SMYD3: variants seen among roughly 807,000 people sequenced by gnomAD.
SMYD3 encodes the protein SET and MYND domain containing 3.
A neutral mutation model predicts 57.7 loss-of-function variants in SMYD3; 36 were observed. The observed-to-expected ratio is 0.62, with a 90% CI of 0.48 to 0.82. The LOEUF is 0.82. Among genes scored for constraint, SMYD3 ranks in the 40% least tolerant of loss-of-function variants. SMYD3 has a pLI of 0.00. For synonymous variants in SMYD3, 211 were observed against 195.0 expected, an observed-to-expected ratio of 1.08 and a Z score of -0.68; for missense variants, 515 against 538.8, an observed-to-expected ratio of 0.96 and a Z score of 0.44.
At chr1:246,281,382 G>A (rs1330699119) in intron 5 of SMYD3, among the ~76,000 whole-genome samples, 1 of 152,180 alleles carries the variant, frequency 6.6e-6, no homozygotes. Flanking sequence ...ACTACAGTTA[G>A]GTGCTTTCCA....
chr1:246,157,126 C>T (rs891446267), intron 5 of SMYD3, among the ~76,000 whole-genome samples: 6 of 152,190 alleles, frequency 3.9e-5, no homozygotes, highest in African/African-American at 1.2e-4. Flanking sequence ...AAGTCTGGGA[C>T]GAGGACAAGA....
At chr1:246,193,364 A>C (rs1222146922) in intron 5 of SMYD3, among the ~76,000 whole-genome samples, 1 of 152,228 alleles carries the variant, frequency 6.6e-6, no homozygotes, top group Non-Finnish European at 1.5e-5. Flanking sequence ...CATAAAAAGC[A>C]AAATTACCAA....
At chr1:245,846,323 A>G (rs1053192566) in intron 10 of SMYD3, among the ~76,000 whole-genome samples, 1 of 152,124 alleles carries the variant, frequency 6.6e-6, no homozygotes. Flanking sequence ...AACAGATTCT[A>G]CTCTGCGTGA....
At chr1:246,504,245 T>C (rs2068502348) in intron 1 of SMYD3, among the ~76,000 whole-genome samples, 1 of 152,176 alleles carries the variant, frequency 6.6e-6, no homozygotes, top group Non-Finnish European at 1.5e-5. Context: ...AGTAGAGATG[T>C]GCATCCCTTA....
intron 5 of SMYD3, among the ~76,000 whole-genome samples, chr1:246,216,658 T>C (rs12133690): frequency 0.019 from 2,841 of 151,968 alleles, 66 homozygotes; most frequent in Admixed American, 0.032. Flanking sequence ...TTATTGAAAA[T>C]ATAATAAAAA....
At chr1:246,190,183 A>T (rs2062710131) in intron 5 of SMYD3, among the ~76,000 whole-genome samples, 1 of 152,126 alleles carries the variant, frequency 6.6e-6, no homozygotes, top group African/African-American at 2.4e-5. Context: ...AATCGCTCTC[A>T]ATCTGTTTCC....
chr1:246,489,744 T>C (rs1008379148), intron 1 of SMYD3, among the ~76,000 whole-genome samples: 4 of 152,216 alleles, frequency 2.6e-5, no homozygotes, highest in African/African-American at 9.6e-5. Flanking sequence ...GCAACTCAGC[T>C]GTTTGTAGTA....
chr1:246,488,776 G>C (rs1436517025), intron 1 of SMYD3, among the ~76,000 whole-genome samples: 2 of 152,210 alleles, frequency 1.3e-5, no homozygotes, highest in Non-Finnish European at 2.9e-5. Flanking sequence ...TTTAGCCCTA[G>C]TGTCCTCAAA....
intron 1 of SMYD3, among the ~76,000 whole-genome samples, chr1:246,398,534 TA>T (rs1472996158): frequency 6.6e-6 from 1 of 152,216 alleles, no homozygotes; most frequent in East Asian, 1.9e-4. Flanking sequence ...TACTTGGGAA[TA>T]GCTTCACAAA....
chr1:246,438,019 A>T (rs1452026602), intron 1 of SMYD3, among the ~76,000 whole-genome samples: 1 of 152,094 alleles, frequency 6.6e-6, no homozygotes, highest in Non-Finnish European at 1.5e-5. Flanking sequence ...ATCTCTTGGG[A>T]GATTACTATA....
chr1:245,765,990 T>C (rs923713697), intron 10 of SMYD3, among the ~76,000 whole-genome samples: 1 of 152,140 alleles, frequency 6.6e-6, no homozygotes, highest in African/African-American at 2.4e-5. Flanking sequence ...TCTTAACTCT[T>C]CCTCCCATGA....
intron 5 of SMYD3, among the ~76,000 whole-genome samples, chr1:246,175,305 A>C (rs2062413384): frequency 6.6e-6 from 1 of 152,220 alleles, no homozygotes; most frequent in Admixed American, 6.5e-5. Flanking sequence ...TATTATAATA[A>C]ACTTAGTATT....
At chr1:246,491,575 A>T (rs1020087234) in intron 1 of SMYD3, among the ~76,000 whole-genome samples, 1 of 152,066 alleles carries the variant, frequency 6.6e-6, no homozygotes, top group Admixed American at 6.6e-5. Context: ...GAGAAATAAG[A>T]ATCAGTCATT....
intron 10 of SMYD3, among the ~76,000 whole-genome samples, chr1:245,809,590 G>C (rs2048352703): frequency 6.6e-6 from 1 of 152,266 alleles, no homozygotes; most frequent in African/African-American, 2.4e-5. Context: ...AGAACAAGGA[G>C]TGCAACGTCA....
rs1234564529 is a variant in SMYD3 at position 246,355,024 on chromosome 1, G to A, written c.228+7C>T. On this transcript the variant is annotated splice_region_variant and intron_variant, in intron 2 of 11. Transcript: ENST00000490107. The surrounding 1 kb of genome is among the most constrained non-coding windows in gnomAD (Gnocchi z 5.0). ...AGCTTCACTTATATATGGCTGAAAA[G>A]TCTTACCTGACACTTAGCACTACAG... is the stretch of plus-strand genomic sequence containing the variant. 1 of 1,613,760 alleles carries A rather than the reference G, an allele frequency of 6.2e-7. No individual in the cohort carries two copies. The highest frequency in any genetic ancestry group is 1.1e-5 in the South Asian group (1 of 91,074).
At chr1:246,177,745 A>G (rs1333782646) in intron 5 of SMYD3, among the ~76,000 whole-genome samples, 1 of 152,216 alleles carries the variant, frequency 6.6e-6, no homozygotes, top group Admixed American at 6.5e-5. Context: ...AGCAAAACAC[A>G]TAGAGCTATG....
At chr1:246,234,986 T>C (rs1038047394) in intron 5 of SMYD3, among the ~76,000 whole-genome samples, 4 of 152,174 alleles carry the variant, frequency 2.6e-5, no homozygotes, top group African/African-American at 9.7e-5. Context: ...ATGCACAGAT[T>C]ACTGAAAAGT....
intron 1 of SMYD3, among the ~76,000 whole-genome samples, chr1:246,457,974 T>C (rs1179672373): frequency 6.6e-6 from 1 of 152,220 alleles, no homozygotes; most frequent in Non-Finnish European, 1.5e-5. Context: ...TTATGACAGT[T>C]ATGATGTTAT....
chr1:245,955,876 GTTT>G (rs36039473), intron 5 of SMYD3: 47,781 of 723,528 alleles, frequency 0.066, 1,978 homozygotes, highest in African/African-American at 0.24. Context: ...TTTGTTTTGG[GTTT>G]TTTTTTTTTT....
Sources: allele counts gnomAD v4.1 joint callset (sites outside exome capture counted in the v4.1 genomes callset), GRCh38; gene constraint gnomAD v4.1.1; non-coding constraint Gnocchi (gnomAD v3.1); transcripts MANE v1.5; gene names NCBI Gene and HGNC (gene_info 2026-07-23, HGNC 2026-07-21).